SPTB: variants seen among roughly 807,000 people sequenced by gnomAD.
The protein encoded by SPTB is spectrin beta, erythrocytic, also known as spectrin beta chain, erythrocytic.
SPTB carries 45 observed loss-of-function variants against 256.2 expected under a neutral mutation model. The ratio of observed to expected loss-of-function variants is 0.18; its 90% CI spans 0.14 to 0.23. The LOEUF (loss-of-function observed/expected upper bound fraction) is 0.23, where lower values mean the gene tolerates loss of function less well. Ranked by LOEUF, SPTB falls within the 10% of genes least tolerant of loss-of-function variation. SPTB has a pLI of 1.00. For missense variants in SPTB, 2,715 were observed against 3,040.4 expected, an observed-to-expected ratio of 0.89 and a Z score of 2.52; for synonymous variants, 1,231 against 1,243.1, an observed-to-expected ratio of 0.99 and a Z score of 0.21.
Position 64,795,656 on chromosome 14 carries a change from A to C in SPTB, c.1342-17T>G, listed in dbSNP as rs557089913. On this transcript the variant is annotated splice_polypyrimidine_tract_variant and intron_variant, in intron 11 of 35. Coordinates refer to ENST00000644917, the MANE Select transcript of SPTB (RefSeq NM_001355436.2). This position sits in a 1 kb window ranked among gnomAD's most constrained non-coding sequence, Gnocchi z 6.5. Reference sequence around the variant, plus strand: ...AAAGTTATCCTGCCCCACCGGGAGAAAAACAGGCAGCTCAGTCAGACACCC... The same window carrying C: ...AAAGTTATCCTGCCCCACCGGGAGACAAACAGGCAGCTCAGTCAGACACCC... 21 of 1,613,648 alleles carry C rather than the reference A, an allele frequency of 1.3e-5. No homozygotes were observed. The Admixed American group carries it at 2.8e-4, about 22-fold the overall frequency.
At chr14:64,843,202 G>A (rs185145759) in intron 1 of SPTB, among the ~76,000 whole-genome samples, 43 of 151,702 alleles carry the variant, frequency 2.8e-4, no homozygotes, top group African/African-American at 8.5e-4. Flanking sequence ...CTGGATGACA[G>A]GTTTCTGATG....
intron 1 of SPTB, among the ~76,000 whole-genome samples, chr14:64,840,057 G>A (rs1206557227): frequency 1.3e-5 from 2 of 152,224 alleles, no homozygotes; most frequent in African/African-American, 4.8e-5. Context: ...AGACAGGTGG[G>A]AAAGGTACTA....
rs1311062645 is a variant in SPTB at position 64,807,368 on chromosome 14, C to T, written c.149-2278G>A. On this transcript the variant is annotated intron_variant, in intron 2 of 35. Transcript: ENST00000644917. This position sits in a 1 kb window ranked among gnomAD's most constrained non-coding sequence, Gnocchi z 4.7. ...CTGGGAACATGGATTAATTCTAGGC[C>T]ACTGGGCTGGTGCATTTATTGGTGC... Among the ~76,000 whole-genome samples the T allele has an allele frequency of 6.6e-6, 1 of 152,138 alleles. No homozygotes were observed. Among genetic ancestry groups the T allele is most frequent in the East Asian group, 1.9e-4 (1 of 5,202 alleles).
intron 1 of SPTB, among the ~76,000 whole-genome samples, chr14:64,859,605 G>A (rs969222464): frequency 2.6e-5 from 4 of 152,150 alleles, no homozygotes; most frequent in Non-Finnish European, 4.4e-5. Context: ...TTAGCCAGCT[G>A]TGGTAGTGCA....
intron 2 of SPTB, among the ~76,000 whole-genome samples, chr14:64,813,561 G>A (rs906450355): frequency 3.3e-5 from 5 of 152,148 alleles, no homozygotes; most frequent in African/African-American, 9.7e-5. Context: ...TCCCTCTGTC[G>A]CCCAGACCGG....
chr14:64,753,795 T>C lies in SPTB; in HGVS notation c.6346-2A>G. 1 of 1,612,648 alleles carries C rather than the reference T, an allele frequency of 6.2e-7. No homozygotes were observed. Among genetic ancestry groups the C allele is most frequent in the Non-Finnish European group, 8.5e-7 (1 of 1,180,000 alleles). On this transcript the variant is annotated splice_acceptor_variant, in intron 32 of 35. Coordinates refer to ENST00000644917, the MANE Select transcript of SPTB (RefSeq NM_001355436.2). LOFTEE classifies it high-confidence loss of function. ...AGGCCACGTTCCCTCTTCTTCCCCC[T>C]GCTCAGGGCATAGGGAGGAGCACAC... is the stretch of plus-strand genomic sequence containing the variant.
intron 1 of SPTB, among the ~76,000 whole-genome samples, chr14:64,831,365 T>C (rs1316905915): frequency 6.6e-6 from 1 of 152,130 alleles, no homozygotes; most frequent in Non-Finnish European, 1.5e-5. Flanking sequence ...TCTCCTTTCT[T>C]TCAGAGCCAA....
At chr14:64,781,882 C>T (rs763105846) in intron 20 of SPTB, among the ~76,000 whole-genome samples, 1 of 152,096 alleles carries the variant, frequency 6.6e-6, no homozygotes, top group Non-Finnish European at 1.5e-5. Flanking sequence ...ATTTCACAGC[C>T]ATAAAAAAAG....
intron 29 of SPTB, 113 bp downstream of exon 29, chr14:64,768,921 G>C (rs2082234611): frequency 1.1e-6 from 1 of 892,390 alleles, no homozygotes; most frequent in Non-Finnish European, 1.9e-6. Context: ...CAGTGCTGTG[G>C]GGGGCTCCTC....
At position 64,753,529 on chromosome 14, in the gene SPTB, G is replaced by A. The variant is rs374329599; in HGVS notation, c.6602+8C>T. On this transcript the variant is annotated splice_region_variant and intron_variant, in intron 33 of 35. Transcript: ENST00000644917. ...CTACCCTCAGCCAGCAGCCTCTCCC[G>A]CACTCACCTGTTGGAAGCCTTCTTG... 76 of 1,613,134 alleles carry A rather than the reference G, an allele frequency of 4.7e-5. No individual in the cohort carries two copies. The highest frequency in any genetic ancestry group is 4.0e-4 in the African/African-American group (30 of 74,870).
At chr14:64,770,729 G>C (rs1274122615) in intron 27 of SPTB, among the ~76,000 whole-genome samples, 156 bp downstream of exon 27, 3 of 152,172 alleles carry the variant, frequency 2.0e-5, no homozygotes, top group Admixed American at 2.0e-4. Context: ...TTTCTGCCTC[G>C]ATCCAGCCTC....
intron 32 of SPTB, among the ~76,000 whole-genome samples, chr14:64,762,498 G>A (rs978430574): frequency 6.6e-6 from 1 of 152,238 alleles, no homozygotes; most frequent in African/African-American, 2.4e-5. Context: ...CCAAGAGGTG[G>A]TCTTGGCTAC....
intron 1 of SPTB, among the ~76,000 whole-genome samples, chr14:64,861,898 G>T (rs895897953): frequency 6.6e-6 from 1 of 152,122 alleles, no homozygotes; most frequent in South Asian, 2.1e-4. Context: ...CCACGGCCTT[G>T]GATTCTCCTG....
chr14:64,849,695 C>A (rs1358753886), intron 1 of SPTB, among the ~76,000 whole-genome samples: 3 of 152,176 alleles, frequency 2.0e-5, no homozygotes, highest in Non-Finnish European at 4.4e-5. Context: ...TATGAAGTCA[C>A]CTTCAGAGTA....
At chr14:64,815,449 A>AG (rs1276716057) in intron 2 of SPTB, among the ~76,000 whole-genome samples, 1 of 152,182 alleles carries the variant, frequency 6.6e-6, no homozygotes, top group Non-Finnish European at 1.5e-5. Flanking sequence ...ATCTCTAGGG[A>AG]GATGACAACA....
At chr14:64,769,150 T>C in intron 28 of SPTB, 32 bp from the exon 29 acceptor site, 1 of 1,602,592 alleles carries the variant, frequency 6.2e-7, no homozygotes, top group East Asian at 2.2e-5. Context: ...AAGCTCAGGC[T>C]TGGCTCACCC....
In SPTB at chr14:64,796,726, G is replaced by A; in HGVS notation, c.1183-11C>T. ...CAGGCTTTCCCAGGCCTGCACAAAGGATGGAATGAGAATTCTTGGGGCACA... is the reference window on the plus strand; with the variant it reads ...CAGGCTTTCCCAGGCCTGCACAAAGAATGGAATGAGAATTCTTGGGGCACA... On this transcript the variant is annotated splice_polypyrimidine_tract_variant and intron_variant, in intron 10 of 35. Transcript: ENST00000644917. The surrounding 1 kb of genome is among the most constrained non-coding windows in gnomAD (Gnocchi z 4.1). The A allele has an allele frequency of 6.2e-7, 1 of 1,614,158 alleles. No homozygotes were observed. Among genetic ancestry groups the A allele is most frequent in the Middle Eastern group, 1.6e-4 (1 of 6,062 alleles).
At chr14:64,865,410 A>G (rs1404662711) in intron 1 of SPTB, among the ~76,000 whole-genome samples, 1 of 152,042 alleles carries the variant, frequency 6.6e-6, no homozygotes, top group South Asian at 2.1e-4. Flanking sequence ...GAGCATAAAC[A>G]AAGCTCACTC....
rs2083653490 is a variant in SPTB, at chr14:64,844,257, A to G, written c.-51-21112T>C. 6.6e-6 allele frequency among the ~76,000 whole-genome samples: 1 copy of G among 152,222 alleles called. No individual in the cohort carries two copies. The highest frequency in any genetic ancestry group is 1.5e-5 in the Non-Finnish European group (1 of 68,038). On this transcript the variant is annotated intron_variant, in intron 1 of 35. Coordinates refer to ENST00000644917, the MANE Select transcript of SPTB (RefSeq NM_001355436.2). The surrounding 1 kb of genome is among the most constrained non-coding windows in gnomAD (Gnocchi z 4.1). ...ATTATTATAGTTACCCTTGACTGCC[A>G]GCAAATGCACGTCCTCAGTTGTGAA...
Sources: gnomAD v4.1 joint callset for allele counts (sites outside exome capture counted in the v4.1 genomes callset) on GRCh38, gnomAD v4.1.1 for gene constraint, Gnocchi (gnomAD v3.1) non-coding constraint, MANE v1.5 for transcripts, NCBI Gene and HGNC (gene_info 2026-07-23, HGNC 2026-07-21) for gene names.